The following USP5 variants were observed in gnomAD, a reference collection of about 807,000 sequenced individuals.
The protein encoded by USP5 is ubiquitin carboxyl-terminal hydrolase 5.
USP5 carries 24 observed loss-of-function variants against 102.5 expected under a neutral mutation model. The ratio of observed to expected loss-of-function variants is 0.23; its 90% CI spans 0.17 to 0.33. The LOEUF is 0.33. Ranked by LOEUF, USP5 falls within the 10% of genes least tolerant of loss-of-function variation. The pLI is 1.00. For missense variants in USP5, 753 were observed against 1,122.1 expected, an observed-to-expected ratio of 0.67 and a Z score of 4.70; for synonymous variants, 460 against 434.8, an observed-to-expected ratio of 1.06 and a Z score of -0.72.
In USP5 at chr12:6,856,189, A is replaced by G. The variant is rs782505426; in HGVS notation, c.438+39A>G. 7.4e-6 allele frequency: 12 copies of G among 1,613,138 alleles called. No individual in the cohort carries two copies. In the South Asian group the frequency reaches 1.1e-4, roughly 15 times the overall value. ...CTATGCTACCCAAGATTCTAGAGCA[A>G]GATGGGCCAGGGTAGTGGTGTCTTA... On this transcript the variant is annotated intron_variant, in intron 4 of 19. Coordinates refer to ENST00000229268, the MANE Select transcript of USP5 (RefSeq NM_001098536.2). This position sits in a 1 kb window ranked among gnomAD's most constrained non-coding sequence, Gnocchi z 5.6.
Position 6,864,414 on chromosome 12 carries a change from G to A in USP5, c.2244+219G>A, listed in dbSNP as rs1421992793. 1.3e-5 allele frequency among the ~76,000 whole-genome samples: 2 copies of A among 152,246 alleles called. No homozygotes were observed. Among genetic ancestry groups the A allele is most frequent in the African/African-American group, 2.4e-5 (1 of 41,460 alleles). On this transcript the variant is annotated intron_variant, in intron 17 of 19. Coordinates refer to ENST00000229268, the MANE Select transcript of USP5 (RefSeq NM_001098536.2). This position sits in a 1 kb window ranked among gnomAD's most constrained non-coding sequence, Gnocchi z 4.8. ...AAATGTAATGCTTCTGTTTGGCCGG[G>A]CGCGGTGGCTCACGCCTGTAATCCC...
chr12:6,852,429 C>A, intron 1 of USP5, 139 bp downstream of exon 1: 4 of 911,338 alleles, frequency 4.4e-6, no homozygotes, highest in Non-Finnish European at 6.5e-6. Context: ...TCCACTCTGC[C>A]GTTGCCTTTC....
chr12:6,856,758 G>C lies in USP5; in HGVS notation c.636G>C (p.Leu212=). The change falls in exon 6 of 20, where the codon CTG becomes CTC. Residue 212 remains leucine (L), a synonymous_variant. Coordinates refer to ENST00000229268, the MANE Select transcript of USP5 (RefSeq NM_001098536.2). The surrounding 1 kb of genome is among the most constrained non-coding windows in gnomAD (Gnocchi z 5.6). ...CDMRENLWLN[L]TDGSILCGRR... is the part of the protein sequence containing the mutation. The stretch of plus-strand genomic sequence containing the variant: ...TGAGAGAGAACCTGTGGCTCAACCT[G>C]ACTGATGGCTCCATCCTCTGTGGGC... 6.2e-7 allele frequency: 1 copy of C among 1,614,106 alleles called. No individual in the cohort carries two copies. Among genetic ancestry groups the C allele is most frequent in the Non-Finnish European group, 8.5e-7 (1 of 1,180,024 alleles).
At chr12:6,852,747 C>T (rs1302630894) in intron 1 of USP5, among the ~76,000 whole-genome samples, 2 of 152,026 alleles carry the variant, frequency 1.3e-5, no homozygotes, top group Non-Finnish European at 1.5e-5. Context: ...AGTTCCTAGG[C>T]GGTTAATAGT....
chr12:6,866,023 G>A lies in USP5; in HGVS notation c.2523G>A (p.Glu841=). The change falls in exon 20 of 20, where the codon GAG becomes GAA. Residue 841 remains glutamate (E), a synonymous_variant. Transcript: ENST00000229268. This position sits in a 1 kb window ranked among gnomAD's most constrained non-coding sequence, Gnocchi z 4.7. Reference sequence around the variant, plus strand: ...ATGACCAGAAAGTGTGTGCCTCCGAGAAGCCGCCCAAGGACCTGGGCTACA... The same window carrying A: ...ATGACCAGAAAGTGTGTGCCTCCGAAAAGCCGCCCAAGGACCTGGGCTACA... ...IYNDQKVCAS[E]KPPKDLGYIY... The A allele has an allele frequency of 1.9e-6, 3 of 1,614,158 alleles. No individual in the cohort carries two copies. The highest frequency in any genetic ancestry group is 2.5e-6 in the Non-Finnish European group (3 of 1,180,032).
In USP5 at chr12:6,858,745, G is replaced by A; in HGVS notation, c.1058+128G>A. 3.4e-6 allele frequency: 3 copies of A among 884,330 alleles called. No individual in the cohort carries two copies. The highest frequency in any genetic ancestry group is 3.4e-6 in the Non-Finnish European group (2 of 596,382). The allele number at this position is 884,330 out of a possible 1,614,324, so 54.8% of individuals were successfully genotyped here. A position where few individuals can be genotyped will look rare whatever the true frequency, so the allele number is the denominator to read the frequency against. On this transcript the variant is annotated intron_variant, in intron 8 of 19. Transcript: ENST00000229268. This position sits in a 1 kb window ranked among gnomAD's most constrained non-coding sequence, Gnocchi z 4.2. ...TTAGAGTAGTTCCTATCGGCTGGGT[G>A]TGTTGGCCCACACCCGTAATCCCAG... is the stretch of plus-strand genomic sequence containing the variant.
At chr12:6,852,405 G>A in intron 1 of USP5, 115 bp downstream of exon 1, 1 of 1,060,910 alleles carries the variant, frequency 9.4e-7, no homozygotes, top group South Asian at 1.5e-5. Flanking sequence ...CATGGGACTT[G>A]TAGTCTCCCA....
chr12:6,864,792 T>C lies in USP5; in HGVS notation c.2315T>C (p.Met772Thr). The C allele has an allele frequency of 1.2e-6, 2 of 1,613,928 alleles. No homozygotes were observed. Among genetic ancestry groups the C allele is most frequent in the Non-Finnish European group, 1.7e-6 (2 of 1,180,042 alleles). The change falls in exon 18 of 20, where the codon ATG becomes ACG. Residue 772 changes from methionine (M) to threonine (T), a missense_variant. Met to Thr is a moderately conservative substitution (Grantham distance 81, BLOSUM62 -1). This residue lies in a region of USP5 where 193 missense variants were observed against 230.2 expected (regional missense o/e 0.84). Coordinates refer to ENST00000229268, the MANE Select transcript of USP5 (RefSeq NM_001098536.2). The surrounding 1 kb of genome is among the most constrained non-coding windows in gnomAD (Gnocchi z 4.8). ...HIDDLDAEAA[M>T]DISEGRSAAD... ...GACGACCTGGATGCTGAAGCTGCCATGGACATCTCAGAGGGCCGCTCAGCT... is the reference window on the plus strand; with the variant it reads ...GACGACCTGGATGCTGAAGCTGCCACGGACATCTCAGAGGGCCGCTCAGCT...
In USP5 at chr12:6,863,449, CCT is replaced by C; in HGVS notation, c.1954+73_1954+74del. 2 of 1,508,706 alleles carry C rather than the reference CCT, an allele frequency of 1.3e-6. No individual in the cohort carries two copies. The highest frequency in any genetic ancestry group is 1.8e-6 in the Non-Finnish European group (2 of 1,108,718). The allele number at this position is 1,508,706 out of a possible 1,614,324, so 93.5% of individuals were successfully genotyped here. ...GCCTCTCTGCCTTGCATCCCCTGCC[CCT>C]GTCCTTTGTGTTTCTCCTGTCCTCC... is the stretch of plus-strand genomic sequence containing the variant. On this transcript the variant is annotated intron_variant, in intron 15 of 19. Coordinates refer to ENST00000229268, the MANE Select transcript of USP5 (RefSeq NM_001098536.2). This position sits in a 1 kb window ranked among gnomAD's most constrained non-coding sequence, Gnocchi z 4.7.
rs782725309 is a variant in USP5 at position 6,860,338 on chromosome 12, G to T, written c.1219-28G>T. The T allele has an allele frequency of 6.2e-7, 1 of 1,614,122 alleles. No homozygotes were observed. The highest frequency in any genetic ancestry group is 2.2e-5 in the East Asian group (1 of 44,876). Reference sequence around the variant, plus strand: ...GCCCCTGGATGGCCACTGAGCCCCAGCTGAGTCCCTGCCCTGACTCTTCCC... The same window carrying T: ...GCCCCTGGATGGCCACTGAGCCCCATCTGAGTCCCTGCCCTGACTCTTCCC... On this transcript the variant is annotated intron_variant, in intron 10 of 19. Transcript: ENST00000229268. The surrounding 1 kb of genome is among the most constrained non-coding windows in gnomAD (Gnocchi z 5.5).
rs1227347616 is a variant in USP5 at position 6,852,249 on chromosome 12, C to A, written c.70C>A (p.Arg24=). The A allele has an allele frequency of 1.2e-6, 2 of 1,613,016 alleles. No individual in the cohort carries two copies. Among genetic ancestry groups the A allele is most frequent in the Non-Finnish European group, 1.7e-6 (2 of 1,179,654 alleles). ...PTIRVPKAGD[R]VHKDECAFSF... ...GATCCGGGTCCCTAAGGCTGGAGAC[C>A]GGGTCCACAAAGACGAGTGCGCCTT... The change falls in exon 1 of 20, where the codon CGG becomes AGG. Residue 24 remains arginine, a synonymous_variant. Coordinates refer to ENST00000229268, the MANE Select transcript of USP5 (RefSeq NM_001098536.2).
Position 6,861,319 on chromosome 12 carries a change from A to G in USP5, c.1499-124A>G, listed in dbSNP as rs1003048231. On this transcript the variant is annotated intron_variant, in intron 12 of 19. Coordinates refer to ENST00000229268, the MANE Select transcript of USP5 (RefSeq NM_001098536.2). This position sits in a 1 kb window ranked among gnomAD's most constrained non-coding sequence, Gnocchi z 4.9. ...TGGAAACAGGCGAGATATATTGGAC[A>G]TGTGTCAGGGGTGCTTTGGAAGGGT... 1.5e-6 allele frequency: 2 copies of G among 1,313,868 alleles called. No individual in the cohort carries two copies. Among genetic ancestry groups the G allele is most frequent in the Non-Finnish European group, 1.0e-6 (1 of 959,860 alleles). The allele number at this position is 1,313,868 out of a possible 1,614,324, so 81.4% of individuals were successfully genotyped here.
Position 6,857,713 on chromosome 12 carries a change from A to C in USP5, c.854A>C (p.Lys285Thr). 1 of 1,614,180 alleles carries C rather than the reference A, an allele frequency of 6.2e-7. No individual in the cohort carries two copies. The highest frequency in any genetic ancestry group is 8.5e-7 in the Non-Finnish European group (1 of 1,180,038). The change falls in exon 7 of 20, where the codon AAG becomes ACG. Residue 285 changes from lysine to threonine, a missense_variant. Physicochemically the swap from Lys to Thr is moderately conservative, Grantham distance 78 (BLOSUM62 -1). Coordinates refer to ENST00000229268, the MANE Select transcript of USP5 (RefSeq NM_001098536.2). The stretch of plus-strand genomic sequence containing the variant: ...TCCCACTTCGGCATCGACATGCTGA[A>C]GATGCAGAAGGTGAGACCCCCTTCA... ...HLSHFGIDML[K>T]MQKTDKTMTE...
chr12:6,860,969 C>T lies in USP5; in HGVS notation c.1361C>T (p.Ser454Phe). ...INMVERNCRS[S>F]ENPNEVFRFL... ...TTCCCATAGAGGAATTGCCGGAGCT[C>T]TGAAAATCCTAATGAAGTGTTCCGC... is the stretch of plus-strand genomic sequence containing the variant. The change falls in exon 12 of 20, where the codon TCT (serine) becomes TTT (phenylalanine). Residue 454 changes from serine to phenylalanine, a missense_variant. Coordinates refer to ENST00000229268, the MANE Select transcript of USP5 (RefSeq NM_001098536.2). The surrounding 1 kb of genome is among the most constrained non-coding windows in gnomAD (Gnocchi z 5.5). 2 of 1,614,116 alleles carry T rather than the reference C, an allele frequency of 1.2e-6. No individual in the cohort carries two copies. Among genetic ancestry groups the T allele is most frequent in the Non-Finnish European group, 1.7e-6 (2 of 1,180,014 alleles).
rs1327881973 is a variant in USP5 at position 6,858,787 on chromosome 12, G to C, written c.1058+170G>C. The C allele has an allele frequency of 2.1e-5, 12 of 575,230 alleles. No homozygotes were observed. In the African/African-American group the frequency reaches 2.2e-4, roughly 11 times the overall value. The allele number at this position is 575,230 out of a possible 1,614,324, so 35.6% of individuals were successfully genotyped here. On this transcript the variant is annotated intron_variant, in intron 8 of 19. Coordinates refer to ENST00000229268, the MANE Select transcript of USP5 (RefSeq NM_001098536.2). The surrounding 1 kb of genome is among the most constrained non-coding windows in gnomAD (Gnocchi z 4.2). ...TAATCCCAGTACTTCGGGAGGCCAAGATGGGAGAATTGCTTGAGCCCAGGA... is the reference window on the plus strand; with the variant it reads ...TAATCCCAGTACTTCGGGAGGCCAACATGGGAGAATTGCTTGAGCCCAGGA...
Position 6,859,413 on chromosome 12 carries a change from C to T in USP5, c.1059-57C>T, listed in dbSNP as rs1944208473. ...GAGTTAGTAAATGTTTGCTTCCTTC[C>T]CTTTTCCTCGGCGCTCAGGCCAGAG... On this transcript the variant is annotated intron_variant, in intron 8 of 19. Transcript: ENST00000229268. The T allele has an allele frequency of 2.6e-6, 4 of 1,563,850 alleles. No individual in the cohort carries two copies. The Admixed American group carries it at 6.7e-5, about 26-fold the overall frequency.
At chr12:6,852,702 C>G (rs1286690017) in intron 1 of USP5, among the ~76,000 whole-genome samples, 1 of 152,176 alleles carries the variant, frequency 6.6e-6, no homozygotes, top group Admixed American at 6.5e-5. Context: ...CCCCACTGTT[C>G]TCGGCCGGGG....
In USP5 at chr12:6,864,337, A is replaced by T; in HGVS notation, c.2244+142A>T. On this transcript the variant is annotated intron_variant, in intron 17 of 19. Coordinates refer to ENST00000229268, the MANE Select transcript of USP5 (RefSeq NM_001098536.2). This position sits in a 1 kb window ranked among gnomAD's most constrained non-coding sequence, Gnocchi z 4.8. ...CACCACTCTTTTGTGGCTGCGATGA[A>T]GGAGCTGAAGCCTGCGTTCACTGCT... 8.0e-7 allele frequency: 1 copy of T among 1,248,190 alleles called. No homozygotes were observed. The highest frequency in any genetic ancestry group is 1.1e-6 in the Non-Finnish European group (1 of 934,570). The allele number at this position is 1,248,190 out of a possible 1,614,324, so 77.3% of individuals were successfully genotyped here. A position where few individuals can be genotyped will look rare whatever the true frequency, so the allele number is the denominator to read the frequency against.
At position 6,863,654 on chromosome 12, in the gene USP5, T is replaced by C. The variant is rs1195643969; in HGVS notation, c.1955-176T>C. 6.6e-6 allele frequency among the ~76,000 whole-genome samples: 1 copy of C among 152,050 alleles called. No individual in the cohort carries two copies. Among genetic ancestry groups the C allele is most frequent in the Non-Finnish European group, 1.5e-5 (1 of 67,998 alleles). ...AGAAACAGGGCCCATTCTGTGAGAA[T>C]GGGCAGGGACCCACATTACAATTGT... On this transcript the variant is annotated intron_variant, in intron 15 of 19. Coordinates refer to ENST00000229268, the MANE Select transcript of USP5 (RefSeq NM_001098536.2). This position sits in a 1 kb window ranked among gnomAD's most constrained non-coding sequence, Gnocchi z 4.7.
Sources: allele counts gnomAD v4.1 joint callset (sites outside exome capture counted in the v4.1 genomes callset), GRCh38; gene constraint gnomAD v4.1.1; regional missense constraint gnomAD v4.1.1; non-coding constraint Gnocchi (gnomAD v3.1); transcripts MANE v1.5; gene names NCBI Gene and HGNC (gene_info 2026-07-23, HGNC 2026-07-21).